Variants in BEND4 observed in about 807,000 individuals in gnomAD.
BEND4 encodes BEN domain containing 4.
Under a neutral mutation model 54.7 loss-of-function variants are expected in BEND4, and 27 were observed. That is an observed-to-expected ratio of 0.49 (90% confidence interval 0.36 to 0.68). The LOEUF (loss-of-function observed/expected upper bound fraction) is 0.68, where lower values mean the gene tolerates loss of function less well. BEND4 is among the 30% of genes least tolerant of loss of function. The pLI is 0.00. For synonymous variants in BEND4, 327 were observed against 299.5 expected (o/e 1.09, Z -0.95); for missense variants, 702 against 697.2 (o/e 1.01, Z -0.08).
intron 2 of BEND4, chr4:42,151,444 C>T (rs1721277416): frequency 5.1e-6 from 2 of 392,734 alleles, no homozygotes. Context: ...CGCGGAGCCA[C>T]CTGTTAGGCG....
chr4:42,126,831 C>T (rs1205950009), intron 3 of BEND4, among the ~76,000 whole-genome samples: 1 of 152,024 alleles, frequency 6.6e-6, no homozygotes, highest in Non-Finnish European at 1.5e-5. Flanking sequence ...GGCAATATAG[C>T]GAGACCCTGT....
At chr4:42,149,929 C>CAACAAAGGCTGGAAGGAAA (rs1489194078) in intron 2 of BEND4, among the ~76,000 whole-genome samples, 1 of 152,024 alleles carries the variant, frequency 6.6e-6, no homozygotes, top group Non-Finnish European at 1.5e-5. Flanking sequence ...GAAAGACAAT[C>CAACAAAGGCTGGAAGGAAA]AACAAAGGCT....
chr4:42,137,507 C>T (rs1048826585), intron 3 of BEND4, among the ~76,000 whole-genome samples: 1 of 152,080 alleles, frequency 6.6e-6, no homozygotes, highest in East Asian at 1.9e-4. Flanking sequence ...AAAGCAAAAA[C>T]AAATAACTCA....
intron 3 of BEND4, among the ~76,000 whole-genome samples, chr4:42,133,690 C>A (rs536561107): frequency 6.6e-6 from 1 of 152,200 alleles, no homozygotes; most frequent in South Asian, 2.1e-4. Flanking sequence ...CCCGTCTCTA[C>A]TAAAAATACA....
chr4:42,144,506 G>A (rs1409362979), intron 2 of BEND4, among the ~76,000 whole-genome samples: 1 of 152,166 alleles, frequency 6.6e-6, no homozygotes, highest in African/African-American at 2.4e-5. Flanking sequence ...AAGTCTTTTT[G>A]AAGAGCTCAC....
chr4:42,130,867 A>T (rs1273941097), intron 3 of BEND4, among the ~76,000 whole-genome samples: 1 of 148,534 alleles, frequency 6.7e-6, no homozygotes, highest in East Asian at 1.9e-4. Flanking sequence ...CAAACACCAT[A>T]GAATACTATG....
rs1195543815 is a variant in BEND4 at position 42,152,280 on chromosome 4, G to A, written c.-137C>T. The A allele has an allele frequency of 8.6e-6, 7 of 810,274 alleles. No homozygotes were observed. The African/African-American group carries it at 1.1e-4, about 13-fold the overall frequency. The allele number at this position is 810,274 out of a possible 1,614,324, so 50.2% of individuals were successfully genotyped here. Reference sequence around the variant, plus strand: ...GAGGGTGTGTGTCTGTGCCGTGGCCGCCGCCGCCGCCGCCTGTCGCTGAGG... The same window carrying A: ...GAGGGTGTGTGTCTGTGCCGTGGCCACCGCCGCCGCCGCCTGTCGCTGAGG... On this transcript the variant is annotated 5_prime_UTR_variant, in exon 2 of 6. Transcript: ENST00000502486.
At chr4:42,144,419 T>G (rs1384175902) in intron 2 of BEND4, among the ~76,000 whole-genome samples, 3 of 152,216 alleles carry the variant, frequency 2.0e-5, no homozygotes, top group African/African-American at 7.2e-5. Flanking sequence ...AGTGCCCTCA[T>G]GCCCTTGCTA....
At chr4:42,127,872 A>ATC (rs1218309228) in intron 3 of BEND4, among the ~76,000 whole-genome samples, 1 of 152,230 alleles carries the variant, frequency 6.6e-6, no homozygotes, top group Non-Finnish European at 1.5e-5. Flanking sequence ...TTTTAGAGTC[A>ATC]TTAAGATGTT....
At chr4:42,151,489 A>C in intron 2 of BEND4, 168 bp downstream of exon 2, 5 of 629,794 alleles carry the variant, frequency 7.9e-6, no homozygotes, top group Non-Finnish European at 7.0e-6. Context: ...GCGGCGCTGG[A>C]GAATCCTCTC....
chr4:42,136,546 A>G (rs1720705382), intron 3 of BEND4, among the ~76,000 whole-genome samples: 1 of 152,264 alleles, frequency 6.6e-6, no homozygotes, highest in Non-Finnish European at 1.5e-5. Flanking sequence ...TATGCAGAGC[A>G]CTGAAATCCT....
In BEND4 at chr4:42,151,526, C is replaced by G. The variant is rs967365959; in HGVS notation, c.487+131G>C. On this transcript the variant is annotated intron_variant, in intron 2 of 5. Coordinates refer to ENST00000502486, the MANE Select transcript of BEND4 (RefSeq NM_207406.4). ...AAGTTTCCGGGTGCGCGGGGAGGCC[C>G]CAGGTGCGCCCCGACATCCCGACAC... 3 of 963,882 alleles carry G rather than the reference C, an allele frequency of 3.1e-6. 1 individual carries two copies. Among genetic ancestry groups the G allele is most frequent in the Non-Finnish European group, 4.2e-6 (3 of 720,282 alleles). 59.7% of individuals were successfully genotyped at this position (963,882 alleles called of 1,614,324 possible).
intron 3 of BEND4, among the ~76,000 whole-genome samples, chr4:42,137,962 T>C (rs939042616): frequency 6.6e-6 from 1 of 152,098 alleles, no homozygotes; most frequent in Non-Finnish European, 1.5e-5. Flanking sequence ...GGTGAGTGTA[T>C]GGGAAAAAGG....
Position 42,117,713 on chromosome 4 carries a change from G to A in BEND4, c.1410C>T (p.Thr470=), listed in dbSNP as rs1426960979. Residue 470 remains threonine (T), a synonymous_variant, in exon 6 of 6, where the codon ACC becomes ACT. Transcript: ENST00000502486. ...AGGGCATCCACCAATCGGGGTTGGAGGTACAATGCATCCTAATGAATTCTG... is the reference window on the plus strand; with the variant it reads ...AGGGCATCCACCAATCGGGGTTGGAAGTACAATGCATCCTAATGAATTCTG... ...CLREFIRMHC[T]SNPDWWMPSE... The A allele has an allele frequency of 1.2e-6, 2 of 1,605,740 alleles. No homozygotes were observed. The highest frequency in any genetic ancestry group is 1.1e-5 in the South Asian group (1 of 89,340).
chr4:42,132,409 C>T (rs1269373057), intron 3 of BEND4, among the ~76,000 whole-genome samples: 2 of 151,926 alleles, frequency 1.3e-5, no homozygotes, highest in Non-Finnish European at 2.9e-5. Flanking sequence ...AGCCAACTGC[C>T]TCCTCGTGCA....
chr4:42,118,116 A>C (rs1395742545), intron 5 of BEND4, among the ~76,000 whole-genome samples: 1 of 152,224 alleles, frequency 6.6e-6, no homozygotes, highest in African/African-American at 2.4e-5. Context: ...TATCTCCAGA[A>C]GCACAGCAAA....
intron 3 of BEND4, among the ~76,000 whole-genome samples, chr4:42,128,412 A>G (rs1396008677): frequency 6.6e-6 from 1 of 152,194 alleles, no homozygotes; most frequent in African/African-American, 2.4e-5. Context: ...TCACGAGGTC[A>G]GGAGATCAAG....
intron 4 of BEND4, among the ~76,000 whole-genome samples, chr4:42,124,715 C>T (rs1441381750): frequency 6.6e-6 from 1 of 152,140 alleles, no homozygotes; most frequent in Admixed American, 6.5e-5. Flanking sequence ...GAATATAGAC[C>T]AGCTTTTCAA....
At position 42,113,057 on chromosome 4, in the gene BEND4, A is replaced by G. The variant is rs959215049; in HGVS notation, c.*4461T>C. ...CATACTGCTGTTTAGACACATTTAC[A>G]TTAGAGTTCTGACTCAAGCACTCCA... On this transcript the variant is annotated 3_prime_UTR_variant, in exon 6 of 6. Transcript: ENST00000502486. The G allele has an allele frequency of 1.3e-5, 2 of 152,236 alleles. No individual in the cohort carries two copies. The highest frequency in any genetic ancestry group is 6.5e-5 in the Admixed American group (1 of 15,282). The allele number at this position is 152,236 out of a possible 1,614,324, so 9.4% of individuals were successfully genotyped here.
Sources: gnomAD v4.1 joint callset for allele counts (sites outside exome capture counted in the v4.1 genomes callset) on GRCh38, gnomAD v4.1.1 for gene constraint, MANE v1.5 for transcripts, NCBI Gene and HGNC (gene_info 2026-07-23, HGNC 2026-07-21) for gene names.